Variants in ATP6V1H observed in about 807,000 individuals in gnomAD.
The protein encoded by ATP6V1H is ATPase H+ transporting V1 subunit H, also known as V-type proton ATPase subunit H.
ATP6V1H carries 39 observed loss-of-function variants against 71.7 expected under a neutral mutation model. That is an observed-to-expected ratio of 0.54 (90% confidence interval 0.42 to 0.71). ATP6V1H has a LOEUF of 0.71. Among genes scored for constraint, ATP6V1H ranks in the 30% least tolerant of loss-of-function variants. The probability of loss-of-function intolerance (pLI) is 0.00; values close to 1 mark genes in which losing one functional copy is unlikely to be tolerated. For missense variants in ATP6V1H, 509 were observed against 594.9 expected (o/e 0.86, Z 1.50); for synonymous variants, 192 against 199.3 (o/e 0.96, Z 0.31).
chr8:53,833,480 T>C (rs1811071032), intron 2 of ATP6V1H, among the ~76,000 whole-genome samples: 1 of 152,138 alleles, frequency 6.6e-6, no homozygotes, highest in Admixed American at 6.5e-5. Flanking sequence ...GGCTATCTAA[T>C]TTATCAAGTC....
intron 6 of ATP6V1H, among the ~76,000 whole-genome samples, chr8:53,813,096 A>G (rs1210673434): frequency 6.6e-6 from 1 of 152,230 alleles, no homozygotes; most frequent in Non-Finnish European, 1.5e-5. Context: ...AATATGCTAC[A>G]TTTAGAAATT....
intron 6 of ATP6V1H, among the ~76,000 whole-genome samples, chr8:53,813,458 A>T (rs1345298675): frequency 6.6e-6 from 1 of 152,220 alleles, no homozygotes; most frequent in Non-Finnish European, 1.5e-5. Context: ...TCAAATAGAC[A>T]TTCATTTGTA....
At chr8:53,819,547 C>CATATATAGAT (rs1810565097) in intron 4 of ATP6V1H, among the ~76,000 whole-genome samples, 1 of 35,136 alleles carries the variant, frequency 2.8e-5, no homozygotes, top group Non-Finnish European at 4.7e-5. Flanking sequence ...AAAAAAAAAG[C>CATATATAGAT]ATATATATAT....
intron 2 of ATP6V1H, among the ~76,000 whole-genome samples, chr8:53,835,443 C>CCTA (rs1811129721): frequency 6.6e-6 from 1 of 152,168 alleles, no homozygotes; most frequent in South Asian, 2.1e-4. Flanking sequence ...TTGCATATGT[C>CCTA]CTACTACTTC....
At chr8:53,735,810 A>G (rs373824388) in intron 13 of ATP6V1H, among the ~76,000 whole-genome samples, 2 of 152,180 alleles carry the variant, frequency 1.3e-5, no homozygotes, top group East Asian at 3.8e-4. Flanking sequence ...TCCATATAAG[A>G]TAGGCCCTAT....
chr8:53,763,261 G>C (rs923669485), intron 11 of ATP6V1H, among the ~76,000 whole-genome samples: 1 of 152,068 alleles, frequency 6.6e-6, no homozygotes, highest in Non-Finnish European at 1.5e-5. Context: ...GGTTTCATAA[G>C]TTCAATCTAC....
At position 53,771,884 on chromosome 8, in the gene ATP6V1H, C is replaced by A. The variant is rs1585768550; in HGVS notation, c.1049+105G>T. On this transcript the variant is annotated intron_variant, in intron 10 of 13. Coordinates refer to ENST00000359530, the MANE Select transcript of ATP6V1H (RefSeq NM_015941.4). ...ACATTAACGTATTTTAGTGGACTCT[C>A]TTGATTTGTATAGGTGACAACAAAT... 4.9e-6 allele frequency: 5 copies of A among 1,030,052 alleles called. No individual in the cohort carries two copies. The East Asian group carries it at 1.2e-4, about 25-fold the overall frequency. 63.8% of individuals were successfully genotyped at this position (1,030,052 alleles called of 1,614,324 possible).
chr8:53,791,787 T>G (rs1481755140), intron 9 of ATP6V1H, among the ~76,000 whole-genome samples: 2 of 152,206 alleles, frequency 1.3e-5, no homozygotes, highest in East Asian at 3.8e-4. Context: ...CACTCATCAC[T>G]GCATTGCACT....
At chr8:53,831,173 GA>G (rs1465389479) in intron 3 of ATP6V1H, among the ~76,000 whole-genome samples, 1 of 152,230 alleles carries the variant, frequency 6.6e-6, no homozygotes, top group African/African-American at 2.4e-5. Flanking sequence ...TAACAATGGG[GA>G]AAGTTCTGAG....
chr8:53,786,673 T>C (rs777202011), intron 9 of ATP6V1H, among the ~76,000 whole-genome samples: 1 of 152,214 alleles, frequency 6.6e-6, no homozygotes, highest in Non-Finnish European at 1.5e-5. Flanking sequence ...CTCCACTCCC[T>C]GAAATATGTT....
chr8:53,818,264 A>G (rs1585822007), intron 4 of ATP6V1H, among the ~76,000 whole-genome samples: 1 of 152,198 alleles, frequency 6.6e-6, no homozygotes, highest in East Asian at 1.9e-4. Flanking sequence ...ACTTTTATTA[A>G]TTTATTTATT....
At chr8:53,735,888 G>A (rs914029791) in intron 13 of ATP6V1H, among the ~76,000 whole-genome samples, 3 of 152,018 alleles carry the variant, frequency 2.0e-5, no homozygotes, top group East Asian at 1.9e-4. Flanking sequence ...CACCACAGTC[G>A]GCTAACACCG....
intron 3 of ATP6V1H, chr8:53,832,350 C>T (rs993306736): frequency 6.6e-6 from 1 of 151,946 alleles, no homozygotes; most frequent in Non-Finnish European, 1.5e-5. Flanking sequence ...AATAAACTTA[C>T]CATGAAAGAA....
chr8:53,741,977 C>T (rs1310739024), intron 13 of ATP6V1H, among the ~76,000 whole-genome samples: 4 of 152,152 alleles, frequency 2.6e-5, no homozygotes, highest in Non-Finnish European at 5.9e-5. Flanking sequence ...TTGCACAACC[C>T]GTTCTCCAGG....
chr8:53,727,000 C>T (rs893595142), intron 13 of ATP6V1H, among the ~76,000 whole-genome samples: 2 of 152,208 alleles, frequency 1.3e-5, no homozygotes, highest in African/African-American at 4.8e-5. Context: ...TCTGAATTAG[C>T]AATTCCTTTC....
At chr8:53,840,841 T>C (rs1329887880) in intron 2 of ATP6V1H, among the ~76,000 whole-genome samples, 8 of 152,136 alleles carry the variant, frequency 5.3e-5, no homozygotes, top group Non-Finnish European at 4.4e-5. Context: ...GTTATAAATA[T>C]ACCAAAATAA....
chr8:53,778,826 G>C (rs1189994301), intron 9 of ATP6V1H, among the ~76,000 whole-genome samples: 1 of 152,156 alleles, frequency 6.6e-6, no homozygotes, highest in African/African-American at 2.4e-5. Flanking sequence ...TTGCCTAAAA[G>C]AGACAAACTA....
At chr8:53,768,803 A>G (rs753778035) in intron 11 of ATP6V1H, among the ~76,000 whole-genome samples, 2 of 152,192 alleles carry the variant, frequency 1.3e-5, no homozygotes, top group Non-Finnish European at 2.9e-5. Flanking sequence ...GCCAAAGGAT[A>G]TGGGGTTTCT....
At chr8:53,734,972 A>G (rs1807151992) in intron 13 of ATP6V1H, among the ~76,000 whole-genome samples, 1 of 152,224 alleles carries the variant, frequency 6.6e-6, no homozygotes, top group Non-Finnish European at 1.5e-5. Flanking sequence ...GAGATCACCC[A>G]CCTAGGCCAA....
Sources: gnomAD v4.1 joint callset for allele counts (sites outside exome capture counted in the v4.1 genomes callset) on GRCh38, gnomAD v4.1.1 for gene constraint, MANE v1.5 for transcripts, NCBI Gene and HGNC (gene_info 2026-07-23, HGNC 2026-07-21) for gene names.